Variants in MDFIC observed in about 807,000 individuals in gnomAD.
MDFIC encodes the protein myoD family inhibitor domain-containing protein.
MDFIC carries 17 observed loss-of-function variants against 23.2 expected under a neutral mutation model. The ratio of observed to expected loss-of-function variants is 0.73; its 90% CI spans 0.50 to 1.10. The LOEUF is 1.10. MDFIC is among the 50% of genes least tolerant of loss of function. MDFIC has a pLI of 0.00. For missense variants in MDFIC, 356 were observed against 316.6 expected, an observed-to-expected ratio of 1.12 and a Z score of -0.95; for synonymous variants, 120 against 115.2, an observed-to-expected ratio of 1.04 and a Z score of -0.27.
At chr7:114,927,632 A>C in intron 2 of MDFIC, among the ~76,000 whole-genome samples, 1 of 152,150 alleles carries the variant, frequency 6.6e-6, no homozygotes, top group Non-Finnish European at 1.5e-5. Context: ...TTATTTCACT[A>C]TTTCAGTAGA....
At chr7:115,008,714 A>C (rs1486102562) in intron 4 of MDFIC, among the ~76,000 whole-genome samples, 1 of 152,184 alleles carries the variant, frequency 6.6e-6, no homozygotes, top group African/African-American at 2.4e-5. Flanking sequence ...CTCCCCAGAG[A>C]TGTCTGTGTC....
intron 4 of MDFIC, among the ~76,000 whole-genome samples, chr7:115,006,930 G>GT: frequency 2.2e-4 from 1 of 4,618 alleles, no homozygotes; most frequent in Non-Finnish European, 8.5e-4. Context: ...TTCAAGTAAA[G>GT]TATAGTTTCT....
At chr7:115,011,573 A>T (rs923131592) in intron 4 of MDFIC, among the ~76,000 whole-genome samples, 1 of 152,262 alleles carries the variant, frequency 6.6e-6, no homozygotes, top group Non-Finnish European at 1.5e-5. Flanking sequence ...ACTTAAAAAA[A>T]ATTCTTTGTC....
chr7:114,929,084 G>GATCT (rs11273513), intron 2 of MDFIC, among the ~76,000 whole-genome samples: 6 of 148,078 alleles, frequency 4.1e-5, no homozygotes, highest in African/African-American at 1.0e-4. Context: ...GATAAATATA[G>GATCT]ATCTATCTAT....
rs201344458 is a variant in MDFIC, at chr7:115,010,382, C to CA, written c.494-5296dup. ...AGAAGGGTTTTATAAAAAGACCCAC[C>CA]AAAAAAAAAATTCATTTTTGACAAG... On this transcript the variant is annotated intron_variant, in intron 4 of 4. Transcript: ENST00000393486. Among the ~76,000 whole-genome samples, 48 of 147,248 alleles carry CA rather than the reference C, an allele frequency of 3.3e-4. 1 individual carries two copies. The highest frequency in any genetic ancestry group is 1.9e-3 in the South Asian group (9 of 4,656).
chr7:115,010,560 A>G (rs1012054298), intron 4 of MDFIC, among the ~76,000 whole-genome samples: 3 of 152,182 alleles, frequency 2.0e-5, no homozygotes, highest in Non-Finnish European at 2.9e-5. Context: ...ATGTTGTTTA[A>G]TATCTCTATG....
intron 4 of MDFIC, among the ~76,000 whole-genome samples, chr7:114,986,316 CA>C (rs1793513374): frequency 6.6e-6 from 1 of 151,820 alleles, no homozygotes; most frequent in Non-Finnish European, 1.5e-5. Flanking sequence ...AGGAGTTTTT[CA>C]GAATATACCA....
intron 4 of MDFIC, among the ~76,000 whole-genome samples, chr7:114,998,192 T>C (rs1011501948): frequency 6.6e-6 from 1 of 152,186 alleles, no homozygotes; most frequent in Non-Finnish European, 1.5e-5. Flanking sequence ...TGACAAAAAC[T>C]GTCTGATGAC....
chr7:115,015,260 G>C (rs1251918580), intron 4 of MDFIC, among the ~76,000 whole-genome samples: 1 of 152,098 alleles, frequency 6.6e-6, no homozygotes, highest in Non-Finnish European at 1.5e-5. Context: ...TCCAATTTTA[G>C]AGCAGGTGGG....
chr7:114,981,765 TTTGA>T (rs1447262483), intron 4 of MDFIC, among the ~76,000 whole-genome samples: 2 of 152,224 alleles, frequency 1.3e-5, no homozygotes, highest in African/African-American at 4.8e-5. Context: ...TAGATTAAAA[TTTGA>T]TTGTCCATAT....
chr7:114,927,300 T>C (rs1792210799), intron 2 of MDFIC, among the ~76,000 whole-genome samples: 1 of 149,018 alleles, frequency 6.7e-6, no homozygotes, highest in South Asian at 2.1e-4. Flanking sequence ...GGATATGTTA[T>C]AGTGATAGAC....
chr7:114,967,802 A>G (rs1793129741), intron 3 of MDFIC, among the ~76,000 whole-genome samples: 2 of 149,332 alleles, frequency 1.3e-5, no homozygotes, highest in South Asian at 4.3e-4. Flanking sequence ...AATCATGTTA[A>G]TCTTTTATTT....
intron 3 of MDFIC, among the ~76,000 whole-genome samples, chr7:114,971,253 C>G (rs905906721): frequency 3.3e-5 from 5 of 152,136 alleles, no homozygotes; most frequent in African/African-American, 1.2e-4. Context: ...TTAATATTAA[C>G]TGCTGATTTT....
chr7:114,947,558 C>T (rs1792671443), intron 3 of MDFIC, among the ~76,000 whole-genome samples: 1 of 152,174 alleles, frequency 6.6e-6, no homozygotes, highest in Admixed American at 6.5e-5. Context: ...AGTTACCTGA[C>T]ACACTTCTTC....
At chr7:115,009,513 G>A (rs1791639303) in intron 4 of MDFIC, among the ~76,000 whole-genome samples, 1 of 152,120 alleles carries the variant, frequency 6.6e-6, no homozygotes, top group African/African-American at 2.4e-5. Context: ...ATACTGATCA[G>A]GTATCCGTAT....
chr7:114,943,001 C>G (rs1792575772), intron 3 of MDFIC, among the ~76,000 whole-genome samples: 1 of 152,128 alleles, frequency 6.6e-6, no homozygotes, highest in Non-Finnish European at 1.5e-5. Flanking sequence ...TCACTAAGTT[C>G]CCCTAGGTGT....
chr7:115,011,747 A>T (rs1023352472), intron 4 of MDFIC, among the ~76,000 whole-genome samples: 3 of 152,206 alleles, frequency 2.0e-5, no homozygotes, highest in Non-Finnish European at 4.4e-5. Context: ...TCTCAAATGA[A>T]TATATCCTAT....
chr7:114,940,507 T>C (rs1277147775), intron 2 of MDFIC, among the ~76,000 whole-genome samples: 1 of 152,232 alleles, frequency 6.6e-6, no homozygotes, highest in Non-Finnish European at 1.5e-5. Flanking sequence ...TTCCTAATTG[T>C]ACGGACTCTT....
At chr7:114,931,972 C>A (rs1052012409) in intron 2 of MDFIC, among the ~76,000 whole-genome samples, 9 of 152,266 alleles carry the variant, frequency 5.9e-5, no homozygotes, top group African/African-American at 1.9e-4. Context: ...CAAGGTGAAT[C>A]CGCCCTGATC....
Sources: gnomAD v4.1 joint callset for allele counts (sites outside exome capture counted in the v4.1 genomes callset) on GRCh38, gnomAD v4.1.1 for gene constraint, MANE v1.5 for transcripts, NCBI Gene and HGNC (gene_info 2026-07-23, HGNC 2026-07-21) for gene names.